Variants in AKAP13 observed in about 807,000 individuals in gnomAD.
AKAP13 encodes the protein A-kinase anchor protein 13.
AKAP13 carries 80 observed loss-of-function variants against 264.5 expected under a neutral mutation model. The observed-to-expected ratio is 0.30, with a 90% CI of 0.25 to 0.36. The LOEUF is 0.36. Ranked by LOEUF, AKAP13 falls within the 10% of genes least tolerant of loss-of-function variation. The pLI is 1.00. For synonymous variants in AKAP13, 1,380 were observed against 1,250.2 expected, an observed-to-expected ratio of 1.10 and a Z score of -2.19; for missense variants, 3,712 against 3,435.2, an observed-to-expected ratio of 1.08 and a Z score of -2.01.
intron 30 of AKAP13, among the ~76,000 whole-genome samples, chr15:85,732,484 C>T (rs2088121172): frequency 6.7e-6 from 1 of 149,426 alleles, no homozygotes; most frequent in Non-Finnish European, 1.5e-5. Flanking sequence ...TGTTTTACAT[C>T]ATATATAATT....
chr15:85,443,652 G>A (rs2073791821), intron 1 of AKAP13, among the ~76,000 whole-genome samples: 1 of 152,050 alleles, frequency 6.6e-6, no homozygotes, highest in Admixed American at 6.5e-5. Flanking sequence ...ATAATCTTAT[G>A]TGACCGACTG....
intron 29 of AKAP13, 51 bp from the exon 30 acceptor site, chr15:85,730,462 C>A (rs546002746): frequency 4.5e-6 from 7 of 1,566,618 alleles, no homozygotes; most frequent in Non-Finnish European, 6.1e-6. Flanking sequence ...TAGTCATTCT[C>A]GTAATTACTA....
At chr15:85,560,823 G>A (rs1188432174) in intron 5 of AKAP13, among the ~76,000 whole-genome samples, 1 of 152,202 alleles carries the variant, frequency 6.6e-6, no homozygotes, top group East Asian at 1.9e-4. Context: ...TGTATAATTA[G>A]GTCAAAGGAA....
intron 1 of AKAP13, among the ~76,000 whole-genome samples, chr15:85,436,661 T>C (rs868833155): frequency 6.9e-6 from 1 of 144,642 alleles, no homozygotes; most frequent in East Asian, 2.1e-4. Flanking sequence ...GGATTAAGAA[T>C]CTCACTCAAA....
At chr15:85,396,962 AT>A (rs1374615326) in intron 1 of AKAP13, among the ~76,000 whole-genome samples, 4 of 131,968 alleles carry the variant, frequency 3.0e-5, no homozygotes, top group Non-Finnish European at 4.8e-5. Context: ...CAGGAATGCT[AT>A]GATTTATACA....
rs528843887 is a variant in AKAP13, at chr15:85,439,485, A to G, written c.-11-46225A>G. 6.4e-3 allele frequency among the ~76,000 whole-genome samples: 970 copies of G among 151,956 alleles called. 8 individuals carry two copies. The highest frequency in any genetic ancestry group is 0.021 in the South Asian group (101 of 4,804). On this transcript the variant is annotated intron_variant, in intron 1 of 36. Coordinates refer to ENST00000394518, the MANE Select transcript of AKAP13 (RefSeq NM_007200.5). ...CCATTACTGGGTATATACCCAAATG[A>G]CTATAAATCATGCTGCTGTAAAGAC...
intron 5 of AKAP13, among the ~76,000 whole-genome samples, chr15:85,561,892 A>C (rs57948357): frequency 0.082 from 12,410 of 152,268 alleles, 814 homozygotes; most frequent in East Asian, 0.36. Context: ...TAGTCTCTCA[A>C]AATGTGTATT....
At chr15:85,693,016 G>T (rs1309634809) in intron 16 of AKAP13, 3 of 405,426 alleles carry the variant, frequency 7.4e-6, no homozygotes, top group Admixed American at 4.7e-5. Flanking sequence ...TATTGTGTCT[G>T]TTGGTAGAAG....
At position 85,440,806 on chromosome 15, in the gene AKAP13, C is replaced by A. The variant is rs542697386; in HGVS notation, c.-11-44904C>A. On this transcript the variant is annotated intron_variant, in intron 1 of 36. Coordinates refer to ENST00000394518, the MANE Select transcript of AKAP13 (RefSeq NM_007200.5). ...TCTGCCTCTTTTTTCTCACCTCTAC[C>A]AAGGTAATGATGACCATTTAGAAGC... Among the ~76,000 whole-genome samples the A allele has an allele frequency of 7.9e-5, 12 of 152,200 alleles. 1 individual carries two copies. In the South Asian group the frequency reaches 2.5e-3, roughly 32 times the overall value.
In AKAP13 at chr15:85,744,742, C is replaced by T. The variant is rs1443706757; in HGVS notation, c.*65C>T. On this transcript the variant is annotated 3_prime_UTR_variant, in exon 37 of 37. Coordinates refer to ENST00000394518, the MANE Select transcript of AKAP13 (RefSeq NM_007200.5). ...GGCCAGCCCACCTCTCCTGCTGTCC[C>T]CGCGTGCACAAGTCTCTTACACTGG... 1 of 1,461,622 alleles carries T rather than the reference C, an allele frequency of 6.8e-7. No homozygotes were observed. The highest frequency in any genetic ancestry group is 1.3e-5 in the South Asian group (1 of 75,964). The allele number at this position is 1,461,622 out of a possible 1,614,324, so 90.5% of individuals were successfully genotyped here.
At chr15:85,651,696 T>C (rs1291264995) in intron 10 of AKAP13, 1 of 152,210 alleles carries the variant, frequency 6.6e-6, no homozygotes, top group Non-Finnish European at 1.5e-5. Context: ...GTACAGACTA[T>C]AAGCATCACT....
rs1459290348 is a variant in AKAP13, at chr15:85,580,588, A to G, written c.2520A>G (p.Leu840=). Reference sequence around the variant, plus strand: ...CGAATGAGCCTGATACGCGGCCACTAGAAGACAGGGCAGTAGGCCTGTCCA... The same window carrying G: ...CGAATGAGCCTGATACGCGGCCACTGGAAGACAGGGCAGTAGGCCTGTCCA... ...GNSNEPDTRP[L]EDRAVGLSTS... The change falls in exon 7 of 37, where the codon CTA becomes CTG. Residue 840 remains leucine (L), a synonymous_variant. Coordinates refer to ENST00000394518, the MANE Select transcript of AKAP13 (RefSeq NM_007200.5). 1 of 1,614,218 alleles carries G rather than the reference A, an allele frequency of 6.2e-7. No homozygotes were observed. Among genetic ancestry groups the G allele is most frequent in the Non-Finnish European group, 8.5e-7 (1 of 1,180,024 alleles).
chr15:85,602,730 C>T (rs1022172754), intron 8 of AKAP13, among the ~76,000 whole-genome samples: 5 of 152,116 alleles, frequency 3.3e-5, no homozygotes, highest in Admixed American at 1.3e-4. Flanking sequence ...CCTAGTGATC[C>T]GCCCGCCTCA....
At chr15:85,641,408 T>TG (rs1325493338) in intron 9 of AKAP13, among the ~76,000 whole-genome samples, 1 of 149,506 alleles carries the variant, frequency 6.7e-6, no homozygotes, top group African/African-American at 2.5e-5. Flanking sequence ...ATCATGCCAC[T>TG]GCACTCCAGC....
rs144677936 is a variant in AKAP13, at chr15:85,612,441, A to C, written c.4161+26618A>C. Among the ~76,000 whole-genome samples the C allele has an allele frequency of 2.6e-5, 4 of 152,310 alleles. No homozygotes were observed. The East Asian group carries it at 7.7e-4, about 29-fold the overall frequency. On this transcript the variant is annotated intron_variant, in intron 8 of 36. Coordinates refer to ENST00000394518, the MANE Select transcript of AKAP13 (RefSeq NM_007200.5). ...TGTCTGAATCACATACGCATTTTGCACTTGTATATATACCAACTATTTGGG... is the reference window on the plus strand; with the variant it reads ...TGTCTGAATCACATACGCATTTTGCCCTTGTATATATACCAACTATTTGGG...
At chr15:85,520,807 T>C (rs2076795826) in intron 2 of AKAP13, 1 of 475,598 alleles carries the variant, frequency 2.1e-6, no homozygotes, top group Non-Finnish European at 4.2e-6. Flanking sequence ...TGGTATTAGG[T>C]GATTTTGTTT....
chr15:85,608,596 T>G (rs1357730831), intron 8 of AKAP13, among the ~76,000 whole-genome samples: 1 of 151,810 alleles, frequency 6.6e-6, no homozygotes, highest in Non-Finnish European at 1.5e-5. Flanking sequence ...TTAAGGAGGG[T>G]TAGAGTAGGC....
rs574069493 is a variant in AKAP13, at chr15:85,620,176, AG to A, written c.4162-19192del. ...TGTGGACGTGGTATTGCTGAAGGTA[AG>A]GGGGGCTGCACCTCATGCATTCTGA... On this transcript the variant is annotated intron_variant, in intron 8 of 36. Transcript: ENST00000394518. The A allele has an allele frequency of 4.0e-4, 620 of 1,535,940 alleles. 2 individuals carry two copies. In the African/African-American group the frequency reaches 7.4e-3, roughly 18 times the overall value.
In AKAP13 at chr15:85,704,455, G is replaced by A. The variant is rs751272798; in HGVS notation, c.5465-3564G>A. Among the ~76,000 whole-genome samples, 64 of 151,982 alleles carry A rather than the reference G, an allele frequency of 4.2e-4. 1 individual carries two copies. The highest frequency in any genetic ancestry group is 3.3e-3 in the Admixed American group (51 of 15,268). On this transcript the variant is annotated intron_variant, in intron 17 of 36. Transcript: ENST00000394518. ...AAAGATCTGTGGTGGTTGGTGGCAT[G>A]GGTTAAAAAAAAGATACAGCAATAG...
Sources: gnomAD v4.1 joint callset for allele counts (sites outside exome capture counted in the v4.1 genomes callset) on GRCh38, gnomAD v4.1.1 for gene constraint, MANE v1.5 for transcripts, NCBI Gene and HGNC (gene_info 2026-07-23, HGNC 2026-07-21) for gene names.